Variants in VCAN observed in about 807,000 individuals in gnomAD.
VCAN encodes versican core protein.
A neutral mutation model predicts 245.5 loss-of-function variants in VCAN; 44 were observed. The observed-to-expected ratio is 0.18, with a 90% CI of 0.14 to 0.23. The LOEUF (loss-of-function observed/expected upper bound fraction) is 0.23, where lower values mean the gene tolerates loss of function less well. Ranked by LOEUF, VCAN falls within the 10% of genes least tolerant of loss-of-function variation. VCAN has a pLI of 1.00. For synonymous variants in VCAN, 1,413 were observed against 1,437.0 expected, an observed-to-expected ratio of 0.98 and a Z score of 0.38; for missense variants, 3,793 against 4,057.9, an observed-to-expected ratio of 0.93 and a Z score of 1.77.
chr5:83,474,812 A>G (rs113875966), intron 1 of VCAN, among the ~76,000 whole-genome samples: 2,499 of 152,362 alleles, frequency 0.016, 76 homozygotes, highest in African/African-American at 0.057. Context: ...AGTTCCATCC[A>G]GACAGCGCTG....
At chr5:83,481,113 C>T (rs1160784370) in intron 1 of VCAN, among the ~76,000 whole-genome samples, 2 of 150,600 alleles carry the variant, frequency 1.3e-5, no homozygotes, top group Non-Finnish European at 3.0e-5. Context: ...ACAGTGGAGC[C>T]CAGACTTTTA....
At chr5:83,553,313 A>G in intron 10 of VCAN, 51 bp from the exon 11 acceptor site, 1 of 1,611,944 alleles carries the variant, frequency 6.2e-7, no homozygotes. Flanking sequence ...GGGGGTGCCA[A>G]GTTTGAATGA....
intron 12 of VCAN, among the ~76,000 whole-genome samples, chr5:83,556,449 G>A (rs1314490757): frequency 6.6e-6 from 1 of 152,124 alleles, no homozygotes; most frequent in East Asian, 1.9e-4. Context: ...AATCAGCACT[G>A]TTTCACTGTT....
At chr5:83,543,969 C>T (rs996925527) in intron 8 of VCAN, among the ~76,000 whole-genome samples, 1 of 152,212 alleles carries the variant, frequency 6.6e-6, no homozygotes, top group African/African-American at 2.4e-5. Context: ...TTCCAGTTCA[C>T]AGGAAGACTC....
chr5:83,522,332 A>G (rs1356614270), intron 7 of VCAN, 23 bp downstream of exon 7: 9 of 1,596,790 alleles, frequency 5.6e-6, no homozygotes, highest in Non-Finnish European at 6.8e-6. Flanking sequence ...TTTCTAGACT[A>G]GCATTGAAGG....
intron 5 of VCAN, among the ~76,000 whole-genome samples, chr5:83,510,897 C>G (rs1427101509): frequency 6.6e-6 from 1 of 152,096 alleles, no homozygotes; most frequent in Non-Finnish European, 1.5e-5. Context: ...GGGTGGATCA[C>G]GAGGTCAGGA....
At chr5:83,577,248 T>G (rs764627228) in intron 13 of VCAN, among the ~76,000 whole-genome samples, 1 of 152,156 alleles carries the variant, frequency 6.6e-6, no homozygotes, top group African/African-American at 2.4e-5. Flanking sequence ...TCCTCAAATC[T>G]TATCATGAAT....
intron 2 of VCAN, among the ~76,000 whole-genome samples, 154 bp from the exon 3 acceptor site, chr5:83,489,944 G>T (rs1463787851): frequency 6.6e-6 from 1 of 151,868 alleles, no homozygotes; most frequent in African/African-American, 2.4e-5. Flanking sequence ...CATTGAAATT[G>T]TATGCTATTC....
rs369241139 is a variant in VCAN at position 83,562,857 on chromosome 5, C to T, written c.9735+7819C>T. 1.6e-4 allele frequency among the ~76,000 whole-genome samples: 25 copies of T among 151,952 alleles called. No individual in the cohort carries two copies. The South Asian group carries it at 2.9e-3, about 18-fold the overall frequency. On this transcript the variant is annotated intron_variant, in intron 12 of 14. Coordinates refer to ENST00000265077, the MANE Select transcript of VCAN (RefSeq NM_004385.5). ...CCTCTCTCACAGTGGTCTCACAGTG[C>T]GAGTAACTCACATCCTTCTGAAAAT...
Position 83,520,665 on chromosome 5 carries a change from C to T in VCAN, c.2359C>T (p.Leu787Phe). The T allele has an allele frequency of 3.1e-6, 5 of 1,614,038 alleles. No homozygotes were observed. In the East Asian group the frequency reaches 1.1e-4, roughly 36 times the overall value. Residue 787 changes from leucine (L) to phenylalanine (F), a missense_variant, in exon 7 of 15, where the codon CTT becomes TTT. This residue lies in a region of VCAN where 3,182 missense variants were observed against 3,250.3 expected (regional missense o/e 0.98). Coordinates refer to ENST00000265077, the MANE Select transcript of VCAN (RefSeq NM_004385.5). ...TKYDENITTV[L>F]LAHGTLSVEA... ...ATATGATGAAAATATTACAACAGTG[C>T]TTTTGGCCCATGGTACTTTAAGTGT...
At chr5:83,545,186 C>G (rs1747157227) in intron 8 of VCAN, 1 of 346,170 alleles carries the variant, frequency 2.9e-6, no homozygotes, top group African/African-American at 2.1e-5. Context: ...AATACATTTT[C>G]CATTCACTGT....
intron 12 of VCAN, among the ~76,000 whole-genome samples, chr5:83,557,194 T>A (rs892638120): frequency 6.6e-6 from 1 of 152,124 alleles, no homozygotes; most frequent in Non-Finnish European, 1.5e-5. Context: ...AAAATCTTTT[T>A]TTCCTACACA....
At chr5:83,546,318 G>C (rs1747217805) in intron 9 of VCAN, among the ~76,000 whole-genome samples, 1 of 151,864 alleles carries the variant, frequency 6.6e-6, no homozygotes, top group African/African-American at 2.4e-5. Context: ...GAAATATGTT[G>C]TCCAGATGTC....
intron 1 of VCAN, among the ~76,000 whole-genome samples, chr5:83,478,130 T>C (rs938823613): frequency 6.6e-6 from 1 of 151,680 alleles, no homozygotes; most frequent in Non-Finnish European, 1.5e-5. Flanking sequence ...TTTAGTAGAG[T>C]GGGGTTTCAC....
At chr5:83,510,632 A>G (rs1051624785) in intron 5 of VCAN, among the ~76,000 whole-genome samples, 4 of 152,228 alleles carry the variant, frequency 2.6e-5, no homozygotes, top group Non-Finnish European at 4.4e-5. Flanking sequence ...TTTTGCTCAC[A>G]TGTGAAAAAC....
chr5:83,474,765 C>G (rs984486343), intron 1 of VCAN, among the ~76,000 whole-genome samples: 2 of 152,254 alleles, frequency 1.3e-5, no homozygotes, highest in African/African-American at 4.8e-5. Context: ...GGCCTCGCCC[C>G]CAGGATTCGG....
intron 5 of VCAN, among the ~76,000 whole-genome samples, 162 bp downstream of exon 5, chr5:83,494,093 A>C (rs1001209089): frequency 1.3e-5 from 2 of 152,238 alleles, no homozygotes; most frequent in African/African-American, 4.8e-5. Context: ...GCCGAAATTA[A>C]AGTGGAAAGG....
rs141477510 is a variant in VCAN, at chr5:83,538,753, A to G, written c.5750A>G (p.Tyr1917Cys). The change falls in exon 8 of 15, where the codon TAT becomes TGT. Residue 1917 changes from tyrosine (Y) to cysteine (C), a missense_variant. Physicochemically the swap from Tyr to Cys is radical, Grantham distance 194. Coordinates refer to ENST00000265077, the MANE Select transcript of VCAN (RefSeq NM_004385.5). ...VISERLGEPNYGAEIRGFSTG... is the reference protein window; with the variant it reads ...VISERLGEPNCGAEIRGFSTG... ...TCAGAGCGATTAGGAGAACCAAATT[A>G]TGGGGCAGAAATAAGGGGCTTTTCC... The G allele has an allele frequency of 6.2e-7, 1 of 1,614,050 alleles. No individual in the cohort carries two copies. Among genetic ancestry groups the G allele is most frequent in the Admixed American group, 1.7e-5 (1 of 60,016 alleles).
chr5:83,560,934 T>A (rs1747843492), intron 12 of VCAN, among the ~76,000 whole-genome samples: 1 of 152,152 alleles, frequency 6.6e-6, no homozygotes. Flanking sequence ...AAGGGAACCA[T>A]CACTTTAGAT....
Sources: allele counts gnomAD v4.1 joint callset (sites outside exome capture counted in the v4.1 genomes callset), GRCh38; gene constraint gnomAD v4.1.1; regional missense constraint gnomAD v4.1.1; transcripts MANE v1.5; gene names NCBI Gene and HGNC (gene_info 2026-07-23, HGNC 2026-07-21).